Variants in LARP4B observed in about 807,000 individuals in gnomAD.
LARP4B encodes La ribonucleoprotein 4B.
In LARP4B, 12 loss-of-function variants were observed where a neutral mutation model predicts 89.8. The observed-to-expected ratio is 0.13, with a 90% CI of 0.09 to 0.22. The LOEUF (loss-of-function observed/expected upper bound fraction) is 0.22. LARP4B is among the 10% of genes least tolerant of loss of function. LARP4B has a pLI of 1.00. For synonymous variants in LARP4B, 367 were observed against 363.3 expected (o/e 1.01, Z -0.12); for missense variants, 757 against 947.7 (o/e 0.80, Z 2.64).
intron 1 of LARP4B, among the ~76,000 whole-genome samples, chr10:897,313 C>T (rs1836215487): frequency 6.6e-6 from 1 of 152,156 alleles, no homozygotes; most frequent in Non-Finnish European, 1.5e-5. Flanking sequence ...GCTGGGACAA[C>T]TAAATGTCAA....
intron 6 of LARP4B, among the ~76,000 whole-genome samples, chr10:843,895 A>G (rs1833649788): frequency 1.3e-5 from 2 of 152,232 alleles, no homozygotes; most frequent in South Asian, 4.1e-4. Flanking sequence ...AACTTTACCC[A>G]CAAAATCCAA....
chr10:951,544 T>TA, the LARP4B span, among the ~76,000 whole-genome samples: 24 of 143,640 alleles, frequency 1.7e-4, no homozygotes, highest in East Asian at 2.0e-4. Context: ...AGACTCTGTC[T>TA]AAAAAAAAAA....
At chr10:925,765 C>A (rs1837118971) in intron 1 of LARP4B, among the ~76,000 whole-genome samples, 1 of 152,184 alleles carries the variant, frequency 6.6e-6, no homozygotes, top group African/African-American at 2.4e-5. Context: ...AACTCCTAAC[C>A]TCAGGTGATC....
At chr10:905,375 G>A (rs1034745364) in intron 1 of LARP4B, among the ~76,000 whole-genome samples, 58 of 152,104 alleles carry the variant, frequency 3.8e-4, no homozygotes, top group African/African-American at 1.2e-3. Flanking sequence ...TAATATATAC[G>A]TATTTCTTAG....
intron 1 of LARP4B, among the ~76,000 whole-genome samples, chr10:900,389 C>CATAGCAT (rs1836303191): frequency 1.5e-5 from 2 of 135,394 alleles, no homozygotes; most frequent in East Asian, 4.5e-4. Flanking sequence ...AAAGCACAGT[C>CATAGCAT]ATAGCATTCT....
At chr10:850,984 T>C (rs1463102295) in intron 5 of LARP4B, among the ~76,000 whole-genome samples, 1 of 151,982 alleles carries the variant, frequency 6.6e-6, no homozygotes, top group Non-Finnish European at 1.5e-5. Flanking sequence ...ATGGGGAAAA[T>C]AGTAAAACTA....
At chr10:974,770 C>A in the LARP4B span, among the ~76,000 whole-genome samples, 1 of 152,242 alleles carries the variant, frequency 6.6e-6, no homozygotes, top group Non-Finnish European at 1.5e-5. Context: ...CTAATACAGA[C>A]CTCAAGGGTG....
chr10:844,889 C>T lies in LARP4B; in HGVS notation c.509+88G>A, dbSNP rs185191506. ...TATATATGGATATGAGTAGATACTC[C>T]TTCATAAAATATCACATTTGTATAT... On this transcript the variant is annotated intron_variant, in intron 6 of 17. Coordinates refer to ENST00000316157, the MANE Select transcript of LARP4B (RefSeq NM_015155.3). 95 of 936,636 alleles carry T rather than the reference C, an allele frequency of 1.0e-4. No individual in the cohort carries two copies. The East Asian group carries it at 2.3e-3, about 23-fold the overall frequency. The allele number at this position is 936,636 out of a possible 1,614,324, so 58.0% of individuals were successfully genotyped here. A position where few individuals can be genotyped will look rare whatever the true frequency, so the allele number is the denominator to read the frequency against.
intron 5 of LARP4B, among the ~76,000 whole-genome samples, chr10:849,955 C>T (rs1833959072): frequency 6.6e-6 from 1 of 152,144 alleles, no homozygotes; most frequent in African/African-American, 2.4e-5. Context: ...CCAAGAGGAG[C>T]CTAAGGAGAC....
intron 1 of LARP4B, among the ~76,000 whole-genome samples, chr10:918,169 C>T (rs893733865): frequency 2.6e-5 from 4 of 152,166 alleles, no homozygotes; most frequent in Admixed American, 2.6e-4. Flanking sequence ...TGACTGAGGG[C>T]TGAGAATGAG....
At chr10:909,181 C>T (rs530211223) in intron 1 of LARP4B, among the ~76,000 whole-genome samples, 4 of 151,570 alleles carry the variant, frequency 2.6e-5, no homozygotes, top group Non-Finnish European at 4.4e-5. Flanking sequence ...GTAGTCCCAG[C>T]TACTCGGGAG....
chr10:817,437 A>G (rs542538584), intron 15 of LARP4B, among the ~76,000 whole-genome samples: 2 of 152,332 alleles, frequency 1.3e-5, no homozygotes, highest in South Asian at 2.1e-4. Flanking sequence ...GAACTACAAC[A>G]ATGACAATGC....
chr10:941,763 TTTTG>T, the LARP4B span, among the ~76,000 whole-genome samples: 25 of 152,066 alleles, frequency 1.6e-4, no homozygotes, highest in Admixed American at 2.6e-4. Context: ...TTTTGTCTTT[TTTTG>T]TTTGTTTGTT....
chr10:902,078 T>C (rs901072916), intron 1 of LARP4B, among the ~76,000 whole-genome samples: 2 of 152,210 alleles, frequency 1.3e-5, no homozygotes, highest in Non-Finnish European at 2.9e-5. Context: ...TACGACATTA[T>C]CTTCTGGAGA....
At chr10:883,714 A>G (rs1023112164) in intron 3 of LARP4B, among the ~76,000 whole-genome samples, 4 of 151,698 alleles carry the variant, frequency 2.6e-5, no homozygotes, top group African/African-American at 9.7e-5. Flanking sequence ...CGGGAGGATC[A>G]CTTTGAGTTC....
chr10:889,622 C>A (rs1272765665), intron 1 of LARP4B, among the ~76,000 whole-genome samples: 7 of 152,160 alleles, frequency 4.6e-5, no homozygotes. Context: ...TTTACTCAAT[C>A]CAATGTCTAG....
At chr10:923,201 C>T (rs1051006892) in intron 1 of LARP4B, among the ~76,000 whole-genome samples, 7 of 152,102 alleles carry the variant, frequency 4.6e-5, no homozygotes, top group African/African-American at 1.7e-4. Context: ...TGTTTTTAAC[C>T]TCCTAAAAGC....
At chr10:894,176 A>G (rs1265123327) in intron 1 of LARP4B, among the ~76,000 whole-genome samples, 1 of 152,236 alleles carries the variant, frequency 6.6e-6, no homozygotes, top group Non-Finnish European at 1.5e-5. Flanking sequence ...TTTCAGTATT[A>G]TCATTAAAAC....
intron 13 of LARP4B, among the ~76,000 whole-genome samples, chr10:824,128 CTTGT>C (rs1161886976): frequency 6.6e-6 from 1 of 152,168 alleles, no homozygotes; most frequent in Non-Finnish European, 1.5e-5. Flanking sequence ...ATTTGAGTCA[CTTGT>C]TTGTCACTTA....
Sources: gnomAD v4.1 joint callset for allele counts (sites outside exome capture counted in the v4.1 genomes callset) on GRCh38, gnomAD v4.1.1 for gene constraint, MANE v1.5 for transcripts, NCBI Gene and HGNC (gene_info 2026-07-23, HGNC 2026-07-21) for gene names.